SPATS1: variants seen among roughly 807,000 people sequenced by gnomAD.
SPATS1 encodes spermatogenesis-associated serine-rich protein 1.
A neutral mutation model predicts 33.6 loss-of-function variants in SPATS1; 23 were observed. That is an observed-to-expected ratio of 0.68 (90% confidence interval 0.49 to 0.97). The LOEUF is 0.97. Among genes scored for constraint, SPATS1 ranks in the 50% least tolerant of loss-of-function variants. The pLI, the probability that SPATS1 is intolerant of heterozygous loss-of-function variation, is 0.00. For synonymous variants in SPATS1, 131 were observed against 125.6 expected, an observed-to-expected ratio of 1.04 and a Z score of -0.29; for missense variants, 327 against 361.0, an observed-to-expected ratio of 0.91 and a Z score of 0.76.
Position 44,343,761 on chromosome 6 carries a change from T to A in SPATS1, c.139+527T>A, listed in dbSNP as rs571277481. On this transcript the variant is annotated intron_variant, in intron 2 of 8. Transcript: ENST00000674044. ...GCCGAGGAGGGTATTTGGGGGCACG[T>A]TTGCCTTTGGAGAACAGTGTCATGG... Among the ~76,000 whole-genome samples the A allele has an allele frequency of 4.6e-5, 7 of 152,308 alleles. No homozygotes were observed. The South Asian group carries it at 1.2e-3, about 27-fold the overall frequency.
intron 5 of SPATS1, among the ~76,000 whole-genome samples, chr6:44,364,277 C>G (rs1463783515): frequency 1.3e-5 from 2 of 152,204 alleles, no homozygotes; most frequent in Non-Finnish European, 2.9e-5. Context: ...GTCCAAATAT[C>G]CCATTGTCTC....
intron 7 of SPATS1, among the ~76,000 whole-genome samples, chr6:44,373,452 GGAATTATTATCTAT>G (rs1415602597): frequency 6.6e-6 from 1 of 152,058 alleles, no homozygotes; most frequent in Non-Finnish European, 1.5e-5. Flanking sequence ...CATTATGGCT[GGAATTATTATCTAT>G]GAATAGAAAT....
At chr6:44,345,264 G>C (rs979893732) in intron 2 of SPATS1, among the ~76,000 whole-genome samples, 1 of 151,994 alleles carries the variant, frequency 6.6e-6, no homozygotes, top group African/African-American at 2.4e-5. Context: ...TAGTCAGCTT[G>C]ATCTAGAGAG....
rs1790021806 is a variant in SPATS1, at chr6:44,377,344, G to A, written c.*281G>A. 2.0e-6 allele frequency: 1 copy of A among 504,446 alleles called. No homozygotes were observed. Among genetic ancestry groups the A allele is most frequent in the East Asian group, 3.6e-5 (1 of 27,960 alleles). The allele number at this position is 504,446 out of a possible 1,614,324, so 31.2% of individuals were successfully genotyped here. ...ACAATATTACAGTTACCATTTTGCT[G>A]AACTCTTTGAGAGTGAGTGGCAGAT... On this transcript the variant is annotated 3_prime_UTR_variant, in exon 9 of 9. Transcript: ENST00000674044.
intron 2 of SPATS1, among the ~76,000 whole-genome samples, chr6:44,345,082 G>A (rs192445353): frequency 1.2e-4 from 18 of 152,218 alleles, no homozygotes; most frequent in Admixed American, 1.2e-3. Flanking sequence ...TATGCAGTGG[G>A]AGCATCAGTA....
chr6:44,368,306 T>C, intron 5 of SPATS1, 73 bp from the exon 6 acceptor site: 1 of 1,483,574 alleles, frequency 6.7e-7, no homozygotes, highest in Non-Finnish European at 9.2e-7. Flanking sequence ...TCCATTGTCA[T>C]GCCAATACTT....
intron 2 of SPATS1, among the ~76,000 whole-genome samples, chr6:44,347,735 T>A (rs73439529): frequency 0.041 from 6,188 of 152,262 alleles, 295 homozygotes; most frequent in African/African-American, 0.11. Flanking sequence ...GAATAACCCA[T>A]CCTTTCTTCA....
chr6:44,361,850 G>A lies in SPATS1; in HGVS notation c.432G>A (p.Glu144=). The change falls in exon 5 of 9, where the codon GAG becomes GAA. Residue 144 remains glutamate (E), a synonymous_variant. Coordinates refer to ENST00000674044, the MANE Select transcript of SPATS1 (RefSeq NM_001372081.1). Reference sequence around the variant, plus strand: ...TTGCAGAAGATGGGCATCGTCCTGAGTGGACATTTTACCCAAGGTTTAGCA... The same window carrying A: ...TTGCAGAAGATGGGCATCGTCCTGAATGGACATTTTACCCAAGGTTTAGCA... ...KLQTKDGHRP[E]WTFYPRFSSN... 1 of 1,614,248 alleles carries A rather than the reference G, an allele frequency of 6.2e-7. No individual in the cohort carries two copies. The highest frequency in any genetic ancestry group is 2.2e-5 in the East Asian group (1 of 44,890).
chr6:44,363,645 TCC>T (rs1789061970), intron 5 of SPATS1, among the ~76,000 whole-genome samples: 4 of 59,470 alleles, frequency 6.7e-5, no homozygotes, highest in African/African-American at 4.2e-4. Flanking sequence ...TTTCTTTCCT[TCC>T]TTCCTTCCCT....
intron 7 of SPATS1, among the ~76,000 whole-genome samples, chr6:44,372,022 C>A (rs1051737918): frequency 2.0e-5 from 3 of 150,576 alleles, no homozygotes; most frequent in African/African-American, 7.4e-5. Context: ...CTTTGGGAGG[C>A]CGAGGCAGGC....
chr6:44,363,643 CTT>C (rs1789061098), intron 5 of SPATS1, among the ~76,000 whole-genome samples: 1 of 64,908 alleles, frequency 1.5e-5, no homozygotes, highest in African/African-American at 6.6e-5. Context: ...TCTTTCTTTC[CTT>C]CCTTCCTTCC....
chr6:44,342,657 G>T lies in SPATS1; in HGVS notation c.-112G>T. On this transcript the variant is annotated 5_prime_UTR_variant, in exon 1 of 9. Transcript: ENST00000674044. ...CGGTGTCCCGGCAACCCCGGAACGC[G>T]CCTCTGTGGGAGAAGCAGGCGGCTG... 1 of 456,442 alleles carries T rather than the reference G, an allele frequency of 2.2e-6. No homozygotes were observed. Among genetic ancestry groups the T allele is most frequent in the Non-Finnish European group, 4.4e-6 (1 of 227,090 alleles). 28.3% of individuals were successfully genotyped at this position (456,442 alleles called of 1,614,324 possible).
At chr6:44,345,822 T>C (rs1188018223) in intron 2 of SPATS1, among the ~76,000 whole-genome samples, 2 of 152,214 alleles carry the variant, frequency 1.3e-5, no homozygotes, top group South Asian at 2.1e-4. Context: ...TCAAATGACA[T>C]GCACTTCTCA....
chr6:44,350,260 C>G (rs1351600190), intron 2 of SPATS1, among the ~76,000 whole-genome samples: 1 of 152,196 alleles, frequency 6.6e-6, no homozygotes, highest in African/African-American at 2.4e-5. Flanking sequence ...TGGGCAAATT[C>G]AGGAAGTTCT....
intron 2 of SPATS1, among the ~76,000 whole-genome samples, chr6:44,346,374 T>A (rs1230834952): frequency 2.6e-5 from 4 of 151,972 alleles, no homozygotes; most frequent in Non-Finnish European, 5.9e-5. Context: ...ATTGGCTATA[T>A]GTATGTGTTA....
intron 8 of SPATS1, 141 bp from the exon 9 acceptor site, chr6:44,376,894 T>A (rs1583099141): frequency 2.3e-6 from 2 of 871,588 alleles, no homozygotes; most frequent in African/African-American, 1.6e-5. Flanking sequence ...GCAAAGTATC[T>A]CCTGGAGTGG....
chr6:44,363,648 TTCCTTCCCTCCTTCCC>T (rs1325736602), intron 5 of SPATS1, among the ~76,000 whole-genome samples: 2 of 62,526 alleles, frequency 3.2e-5, no homozygotes, highest in African/African-American at 2.0e-4. Context: ...CTTTCCTTCC[TTCCTTCCCTCCTTCCC>T]TCCTTCCTTC....
chr6:44,354,439 A>T (rs953930049), intron 3 of SPATS1, among the ~76,000 whole-genome samples: 4 of 152,014 alleles, frequency 2.6e-5, no homozygotes, highest in Non-Finnish European at 5.9e-5. Context: ...TATATGTGCA[A>T]GTAAACATAT....
Position 44,360,556 on chromosome 6 carries a change from T to C in SPATS1, c.398T>C (p.Leu133Pro). ...AAATATCCTGAGGAATTCAGCCTGC[T>C]TAAGTTGCAGACGAGTAAGTCACAG... The part of the protein sequence containing the change: ...KDKYPEEFSL[L>P]KLQTKDGHRP... Residue 133 changes from leucine to proline, a missense_variant, in exon 4 of 9, where the codon CTT becomes CCT. Leu to Pro is a moderately conservative substitution (Grantham distance 98). Coordinates refer to ENST00000674044, the MANE Select transcript of SPATS1 (RefSeq NM_001372081.1). 1 of 1,614,190 alleles carries C rather than the reference T, an allele frequency of 6.2e-7. No homozygotes were observed. Among genetic ancestry groups the C allele is most frequent in the Non-Finnish European group, 8.5e-7 (1 of 1,180,016 alleles).
Sources: gnomAD v4.1 joint callset for allele counts (sites outside exome capture counted in the v4.1 genomes callset) on GRCh38, gnomAD v4.1.1 for gene constraint, MANE v1.5 for transcripts, NCBI Gene and HGNC (gene_info 2026-07-23, HGNC 2026-07-21) for gene names.